Variants in ADD2 observed in about 807,000 individuals in gnomAD.
The protein encoded by ADD2 is adducin 2.
A neutral mutation model predicts 83.0 loss-of-function variants in ADD2; 23 were observed. The observed-to-expected ratio is 0.28, with a 90% CI of 0.20 to 0.39. ADD2 has a LOEUF of 0.39. Among genes scored for constraint, ADD2 ranks in the 10% least tolerant of loss-of-function variants. The pLI, the probability that ADD2 is intolerant of heterozygous loss-of-function variation, is 1.00. For synonymous variants in ADD2, 375 were observed against 375.4 expected, an observed-to-expected ratio of 1.00 and a Z score of 0.01; for missense variants, 758 against 944.9, an observed-to-expected ratio of 0.80 and a Z score of 2.59.
chr2:70,739,699 AATGAG>A lies in ADD2; in HGVS notation c.-153-26520_-153-26516del, dbSNP rs750610711. ...GGAATACTATGTAGCCATGAAAAAG[AATGAG>A]ATCACATCCTTCGCAGGCACATGGG... is the stretch of plus-strand genomic sequence containing the variant. On this transcript the variant is annotated intron_variant, in intron 1 of 15. Transcript: ENST00000264436. 7.1e-4 allele frequency among the ~76,000 whole-genome samples: 108 copies of A among 152,376 alleles called. 1 individual carries two copies. Among genetic ancestry groups the A allele is most frequent in the South Asian group, 1.2e-3 (6 of 4,826 alleles).
intron 1 of ADD2, among the ~76,000 whole-genome samples, chr2:70,764,874 A>G (rs191787689): frequency 6.6e-6 from 1 of 151,988 alleles, no homozygotes; most frequent in Non-Finnish European, 1.5e-5. Flanking sequence ...ATCTTTCAAA[A>G]TACGTATATC....
At chr2:70,758,762 T>C (rs1391036252) in intron 1 of ADD2, among the ~76,000 whole-genome samples, 1 of 152,154 alleles carries the variant, frequency 6.6e-6, no homozygotes, top group Non-Finnish European at 1.5e-5. Context: ...ATTGCACTGC[T>C]GCACTCCAGC....
intron 1 of ADD2, among the ~76,000 whole-genome samples, chr2:70,757,476 A>G (rs1574330156): frequency 1.3e-5 from 2 of 152,186 alleles, no homozygotes; most frequent in Non-Finnish European, 2.9e-5. Context: ...TATGGTGGGA[A>G]TGAGTGTGGA....
chr2:70,701,413 T>C (rs7601671), intron 4 of ADD2, among the ~76,000 whole-genome samples: 5,467 of 152,188 alleles, frequency 0.036, 309 homozygotes, highest in African/African-American at 0.12. Flanking sequence ...AAAATAATTG[T>C]CTCAAACTCT....
At position 70,673,392 on chromosome 2, in the gene ADD2, C is replaced by T. The variant is rs1669990607; in HGVS notation, c.1742-386G>A. 7 of 1,346,898 alleles carry T rather than the reference C, an allele frequency of 5.2e-6. No homozygotes were observed. The East Asian group carries it at 1.4e-4, about 27-fold the overall frequency. 83.4% of individuals were successfully genotyped at this position (1,346,898 alleles called of 1,614,324 possible). The stretch of plus-strand genomic sequence containing the variant: ...AGCACATCAACGGGTAAGAGGTGGA[C>T]CCACAACCACCAACTCCCCTTATTT... On this transcript the variant is annotated intron_variant, in intron 14 of 15. Coordinates refer to ENST00000264436, the MANE Select transcript of ADD2 (RefSeq NM_001617.4).
rs199611898 is a variant in ADD2, at chr2:70,688,126, T to C, written c.850-4A>G. On this transcript the variant is annotated splice_polypyrimidine_tract_variant and splice_region_variant and intron_variant, in intron 8 of 15. Transcript: ENST00000264436. ...CATGGTTTCTTAGCACCAGGATCTG[T>C]AGAGAAATAAATAGTCAATTAAAAC... The C allele has an allele frequency of 3.8e-5, 61 of 1,612,398 alleles. No homozygotes were observed. Among genetic ancestry groups the C allele is most frequent in the Non-Finnish European group, 4.8e-5 (56 of 1,178,624 alleles).
In ADD2 at chr2:70,658,486, G is replaced by C. The variant is rs927204575; in HGVS notation, c.*4939C>G. Reference sequence around the variant, plus strand: ...AGTCACTACAGGCCTCTTACTTCTTGCATTAAACTATCCCTTTCAGAACAG... The same window carrying C: ...AGTCACTACAGGCCTCTTACTTCTTCCATTAAACTATCCCTTTCAGAACAG... On this transcript the variant is annotated 3_prime_UTR_variant, in exon 16 of 16. Transcript: ENST00000264436. 4.6e-5 allele frequency: 7 copies of C among 152,290 alleles called. No individual in the cohort carries two copies. In the Middle Eastern group the frequency reaches 0.014, roughly 296 times the overall value. 9.4% of individuals were successfully genotyped at this position (152,290 alleles called of 1,614,324 possible). A position where few individuals can be genotyped will look rare whatever the true frequency, so the allele number is the denominator to read the frequency against.
chr2:70,675,374 G>A, intron 13 of ADD2: 1 of 985,772 alleles, frequency 1.0e-6, no homozygotes. Flanking sequence ...AAGTGACAAA[G>A]GGGCCAAGGT....
intron 15 of ADD2, among the ~76,000 whole-genome samples, chr2:70,670,692 G>T (rs1553366916): frequency 6.6e-6 from 1 of 152,186 alleles, no homozygotes. Flanking sequence ...GATCTGATGG[G>T]TGGGCTAGAT....
intron 4 of ADD2, among the ~76,000 whole-genome samples, chr2:70,700,875 G>A (rs540248162): frequency 6.6e-6 from 1 of 152,058 alleles, no homozygotes; most frequent in Admixed American, 6.5e-5. Flanking sequence ...TAACCAAGAA[G>A]CAGCAAAATA....
intron 1 of ADD2, among the ~76,000 whole-genome samples, chr2:70,764,468 A>T (rs1264415015): frequency 6.6e-6 from 1 of 151,472 alleles, no homozygotes; most frequent in Non-Finnish European, 1.5e-5. Context: ...CCACTATTCC[A>T]ACTCCCCTTC....
At chr2:70,720,577 T>C (rs3771444) in intron 1 of ADD2, among the ~76,000 whole-genome samples, 61,735 of 152,028 alleles carry the variant, frequency 0.41, 13,154 homozygotes, top group African/African-American at 0.55. Flanking sequence ...TTTCTTCTCA[T>C]TAGTTCTATT....
intron 1 of ADD2, among the ~76,000 whole-genome samples, chr2:70,719,839 G>C (rs1441428063): frequency 2.6e-5 from 4 of 152,124 alleles, no homozygotes; most frequent in African/African-American, 7.2e-5. Flanking sequence ...ATTCAAACAT[G>C]AAACAGTTGA....
chr2:70,756,426 G>A (rs1432643834), intron 1 of ADD2, among the ~76,000 whole-genome samples: 1 of 151,250 alleles, frequency 6.6e-6, no homozygotes, highest in Non-Finnish European at 1.5e-5. Flanking sequence ...ATTTCACCCT[G>A]GATTGAGACA....
At chr2:70,728,187 G>A (rs1336951130) in intron 1 of ADD2, among the ~76,000 whole-genome samples, 4 of 152,186 alleles carry the variant, frequency 2.6e-5, no homozygotes, top group East Asian at 1.9e-4. Context: ...ACTCTTGTCC[G>A]TCCCTGAGGC....
intron 8 of ADD2, among the ~76,000 whole-genome samples, chr2:70,689,095 C>CA (rs533244103): frequency 0.29 from 43,734 of 150,372 alleles, 6,646 homozygotes; most frequent in East Asian, 0.44. Context: ...GACTCCGTCT[C>CA]AAAAAAAAAC....
At chr2:70,762,868 G>A (rs1675192911) in intron 1 of ADD2, among the ~76,000 whole-genome samples, 5 of 151,424 alleles carry the variant, frequency 3.3e-5, no homozygotes, top group African/African-American at 4.9e-5. Context: ...ACCACACCCA[G>A]CTAATTTTTG....
At chr2:70,750,793 C>G (rs2104528931) in intron 1 of ADD2, among the ~76,000 whole-genome samples, 1 of 152,258 alleles carries the variant, frequency 6.6e-6, no homozygotes, top group African/African-American at 2.4e-5. Flanking sequence ...AAAGGCAGCC[C>G]TGGGAAATTA....
At chr2:70,736,240 G>A (rs1553380143) in intron 1 of ADD2, among the ~76,000 whole-genome samples, 1 of 152,196 alleles carries the variant, frequency 6.6e-6, no homozygotes. Context: ...AAAGGAGAGA[G>A]TCAAAGAGGT....
Sources: gnomAD v4.1 joint callset for allele counts (sites outside exome capture counted in the v4.1 genomes callset) on GRCh38, gnomAD v4.1.1 for gene constraint, MANE v1.5 for transcripts, NCBI Gene and HGNC (gene_info 2026-07-23, HGNC 2026-07-21) for gene names.